NALCN: variants seen among roughly 807,000 people sequenced by gnomAD.
NALCN encodes sodium leak channel, non-selective, also known as sodium leak channel NALCN.
In NALCN, 111 loss-of-function variants were observed where a neutral mutation model predicts 225.3. The observed-to-expected ratio is 0.49, with a 90% CI of 0.42 to 0.58. The LOEUF is 0.58. Ranked by LOEUF, NALCN falls within the 20% of genes least tolerant of loss-of-function variation. The pLI is 0.00. For missense variants in NALCN, 1,378 were observed against 2,202.4 expected, an observed-to-expected ratio of 0.63 and a Z score of 7.49; for synonymous variants, 764 against 769.0, an observed-to-expected ratio of 0.99 and a Z score of 0.11.
At chr13:101,363,845 T>C (rs2046313594) in intron 6 of NALCN, among the ~76,000 whole-genome samples, 1 of 152,052 alleles carries the variant, frequency 6.6e-6, no homozygotes, top group African/African-American at 2.4e-5. Context: ...TGACAAAGGA[T>C]TAATAACCAG....
chr13:101,154,974 A>G (rs947641927), intron 15 of NALCN, among the ~76,000 whole-genome samples: 5 of 152,228 alleles, frequency 3.3e-5, no homozygotes, highest in African/African-American at 9.6e-5. Flanking sequence ...AAAGAATAAT[A>G]AAGTATAAAC....
chr13:101,082,258 T>C (rs768339785), intron 33 of NALCN, among the ~76,000 whole-genome samples: 7 of 152,206 alleles, frequency 4.6e-5, no homozygotes, highest in Non-Finnish European at 8.8e-5. Flanking sequence ...GATTTTATTT[T>C]TGAAGCTAAG....
chr13:101,306,926 AG>A (rs2044171485), intron 7 of NALCN, among the ~76,000 whole-genome samples: 1 of 152,148 alleles, frequency 6.6e-6, no homozygotes, highest in Non-Finnish European at 1.5e-5. Flanking sequence ...CTGAGAACCC[AG>A]GCTCCTTCCT....
At chr13:101,367,124 T>A (rs1036377951) in intron 6 of NALCN, among the ~76,000 whole-genome samples, 7 of 151,788 alleles carry the variant, frequency 4.6e-5, no homozygotes, top group Non-Finnish European at 7.4e-5. Flanking sequence ...TTTTTTTATT[T>A]TTTTTTATTT....
intron 28 of NALCN, among the ~76,000 whole-genome samples, chr13:101,094,593 G>T (rs1304673197): frequency 1.3e-5 from 2 of 151,926 alleles, no homozygotes; most frequent in Admixed American, 6.6e-5. Flanking sequence ...GTGGGGCCAG[G>T]ATATTCTCAT....
chr13:101,379,141 G>A (rs1843360764), intron 3 of NALCN, among the ~76,000 whole-genome samples: 1 of 152,144 alleles, frequency 6.6e-6, no homozygotes, highest in Admixed American at 6.5e-5. Context: ...GGTCATTAGA[G>A]AAATGCAAAT....
At chr13:101,228,901 C>A (rs1316432048) in intron 13 of NALCN, among the ~76,000 whole-genome samples, 1 of 152,144 alleles carries the variant, frequency 6.6e-6, no homozygotes, top group Non-Finnish European at 1.5e-5. Flanking sequence ...TGATTTCTAA[C>A]TTCCTTTTTA....
intron 6 of NALCN, among the ~76,000 whole-genome samples, chr13:101,348,065 G>T (rs1034063766): frequency 6.6e-6 from 1 of 152,064 alleles, no homozygotes; most frequent in Non-Finnish European, 1.5e-5. Flanking sequence ...AGAGGGAAGG[G>T]TCTACTAGCC....
chr13:101,151,634 T>C (rs530889795), intron 15 of NALCN, among the ~76,000 whole-genome samples: 1 of 152,356 alleles, frequency 6.6e-6, no homozygotes, highest in South Asian at 2.1e-4. Flanking sequence ...TCTTTGCTTC[T>C]TTACACAGTG....
chr13:101,285,353 G>GT (rs1198648912), intron 9 of NALCN, among the ~76,000 whole-genome samples: 1 of 152,012 alleles, frequency 6.6e-6, no homozygotes, highest in East Asian at 1.9e-4. Flanking sequence ...AGGCTGGAGT[G>GT]TAGGGGCGTG....
In NALCN at chr13:101,055,385, C is replaced by T. The variant is rs111638537; in HGVS notation, c.5127G>A (p.Ala1709=). ...TCTTAACTTCAGAACCGCAGGAAGC[C>T]GCGTCAGTCATGGGGTTCATTTTGC... is the stretch of plus-strand genomic sequence containing the variant. The part of the protein sequence containing the change: ...VVCKMNPMTD[A]ASCGSEVKKW... Residue 1709 remains alanine (A), a synonymous_variant, in exon 44 of 44, where the codon GCG becomes GCA. Transcript: ENST00000251127. The T allele has an allele frequency of 3.9e-5, 63 of 1,614,128 alleles. No individual in the cohort carries two copies. The highest frequency in any genetic ancestry group is 1.1e-4 in the African/African-American group (8 of 75,038).
chr13:101,066,917 C>A (rs1166536461), intron 39 of NALCN, among the ~76,000 whole-genome samples: 1 of 152,162 alleles, frequency 6.6e-6, no homozygotes, highest in Non-Finnish European at 1.5e-5. Context: ...TCCCACAGCA[C>A]CCCTCAGGCC....
intron 5 of NALCN, 21 bp from the exon 6 acceptor site, chr13:101,376,849 A>G: frequency 1.2e-6 from 2 of 1,612,816 alleles, no homozygotes; most frequent in Non-Finnish European, 1.7e-6. Context: ...AAAAGTAGGT[A>G]AAGTACATAA....
chr13:101,322,322 C>T (rs1338043), intron 7 of NALCN, among the ~76,000 whole-genome samples: 1 of 151,932 alleles, frequency 6.6e-6, no homozygotes, highest in Non-Finnish European at 1.5e-5. Flanking sequence ...TGTAAATGAT[C>T]GTGTGCAAAT....
At chr13:101,332,143 T>G (rs2045198541) in intron 7 of NALCN, among the ~76,000 whole-genome samples, 1 of 151,940 alleles carries the variant, frequency 6.6e-6, no homozygotes, top group African/African-American at 2.4e-5. Flanking sequence ...AAACAAATAT[T>G]AATCAGTATT....
At chr13:101,061,482 A>T (rs748075615) in intron 41 of NALCN, among the ~76,000 whole-genome samples, 5 of 152,040 alleles carry the variant, frequency 3.3e-5, no homozygotes, top group Non-Finnish European at 7.4e-5. Flanking sequence ...CCCAGGTTCA[A>T]GTGATTCTCA....
Position 101,208,055 on chromosome 13 carries a change from A to C in NALCN, c.1627-16001T>G, listed in dbSNP as rs150894923. On this transcript the variant is annotated intron_variant, in intron 13 of 43. Transcript: ENST00000251127. ...GCGTCACTCCTGAAGCCAGCAAGAC[A>C]ACGAACCCACCAGGAGGGACAAACA... Among the ~76,000 whole-genome samples, 1,338 of 146,664 alleles carry C rather than the reference A, an allele frequency of 9.1e-3. 4 individuals carry two copies. The highest frequency in any genetic ancestry group is 0.016 in the Non-Finnish European group (1,064 of 66,448).
chr13:101,155,480 C>T (rs1044804578), intron 15 of NALCN, among the ~76,000 whole-genome samples: 4 of 152,192 alleles, frequency 2.6e-5, no homozygotes, highest in Non-Finnish European at 5.9e-5. Flanking sequence ...GATCTTTTCT[C>T]ATGATTAGAC....
chr13:101,220,652 T>C (rs1322441042), intron 13 of NALCN, among the ~76,000 whole-genome samples: 1 of 152,156 alleles, frequency 6.6e-6, no homozygotes, highest in African/African-American at 2.4e-5. Context: ...GCTGCTTTCA[T>C]TATGATGGTC....
Sources: allele counts gnomAD v4.1 joint callset (sites outside exome capture counted in the v4.1 genomes callset), GRCh38; gene constraint gnomAD v4.1.1; transcripts MANE v1.5; gene names NCBI Gene and HGNC (gene_info 2026-07-23, HGNC 2026-07-21).